The following ADSL variants were observed in gnomAD, a reference collection of about 807,000 sequenced individuals.
ADSL encodes the protein adenylosuccinase.
Under a neutral mutation model 62.1 loss-of-function variants are expected in ADSL, and 44 were observed. That is an observed-to-expected ratio of 0.71 (90% CI 0.56 to 0.91). ADSL has a LOEUF of 0.91. Among genes scored for constraint, ADSL ranks in the 40% least tolerant of loss-of-function variants. The pLI is 0.00. For missense variants in ADSL, 531 were observed against 627.4 expected (o/e 0.85, Z 1.64); for synonymous variants, 198 against 220.5 (o/e 0.90, Z 0.90).
intron 3 of ADSL, chr22:40,354,005 C>T (rs781644947): frequency 3.3e-5 from 19 of 570,542 alleles, no homozygotes; most frequent in Non-Finnish European, 6.0e-5. Context: ...TGATTTTGTT[C>T]TGTTTTTCTG....
intron 6 of ADSL, 82 bp downstream of exon 6, chr22:40,359,388 A>T: frequency 6.8e-7 from 1 of 1,465,890 alleles, no homozygotes; most frequent in South Asian, 1.1e-5. Flanking sequence ...TTGACCTTAC[A>T]ATTTTTGCCT....
chr22:40,346,658 T>C lies in ADSL; in HGVS notation c.100T>C (p.Tyr34His), dbSNP rs1434292876. 4 of 1,613,030 alleles carry C rather than the reference T, an allele frequency of 2.5e-6. No homozygotes were observed. Among genetic ancestry groups the C allele is most frequent in the Non-Finnish European group, 1.7e-6 (2 of 1,179,660 alleles). ...GATGTGCTTCGTGTTTAGCGACAGGTATAAATTCCGGACATGGCGGCAGCT... is the reference window on the plus strand; with the variant it reads ...GATGTGCTTCGTGTTTAGCGACAGGCATAAATTCCGGACATGGCGGCAGCT... The part of the protein sequence containing the change: ...PEMCFVFSDR[Y>H]KFRTWRQLWL... Residue 34 changes from tyrosine (Y) to histidine (H), a missense_variant, in exon 1 of 13, where the codon TAT becomes CAT. Physicochemically the swap from Tyr to His is moderately conservative, Grantham distance 83 (BLOSUM62 2). Transcript: ENST00000623063.
intron 2 of ADSL, among the ~76,000 whole-genome samples, chr22:40,351,172 ATTT>A (rs1291583819): frequency 7.0e-6 from 1 of 143,760 alleles, no homozygotes; most frequent in African/African-American, 2.5e-5. Flanking sequence ...TTAAAAAAAA[ATTT>A]TTTTTTTTTT....
At chr22:40,379,677 C>G (rs1395845488) in intron 2 of ADSL, among the ~76,000 whole-genome samples, 12 of 152,102 alleles carry the variant, frequency 7.9e-5, no homozygotes, top group Admixed American at 7.9e-4. Context: ...GTAGTTATCT[C>G]TTTATTTCTT....
intron 2 of ADSL, chr22:40,376,662 C>G (rs2046668721): frequency 6.6e-6 from 1 of 151,988 alleles, no homozygotes; most frequent in African/African-American, 2.4e-5. Context: ...AGTATTATGC[C>G]CATTTACAGG....
intron 1 of ADSL, chr22:40,348,813 G>A (rs1056850910): frequency 2.6e-6 from 1 of 383,844 alleles, no homozygotes; most frequent in Non-Finnish European, 4.6e-6. Flanking sequence ...CAAGTTTCAA[G>A]TGAGGTTTAA....
At chr22:40,359,084 A>G in intron 5 of ADSL, 49 bp downstream of exon 5, 1 of 1,608,040 alleles carries the variant, frequency 6.2e-7, no homozygotes, top group South Asian at 1.1e-5. Context: ...GGTGGAGCCT[A>G]AGAGACAAGG....
chr22:40,382,515 A>G (rs1398991634), intron 2 of ADSL, among the ~76,000 whole-genome samples: 1 of 152,150 alleles, frequency 6.6e-6, no homozygotes, highest in East Asian at 1.9e-4. Flanking sequence ...TACCTACCTC[A>G]CAGCATGGCA....
At chr22:40,385,342 A>G (rs2146838914) in intron 2 of ADSL, among the ~76,000 whole-genome samples, 1 of 152,344 alleles carries the variant, frequency 6.6e-6, no homozygotes, top group Non-Finnish European at 1.5e-5. Flanking sequence ...TTGAGTGGGT[A>G]CAGGGATAGT....
intron 2 of ADSL, chr22:40,376,531 AATTAGTGCT>A (rs2046633948): frequency 6.6e-6 from 1 of 152,158 alleles, no homozygotes; most frequent in South Asian, 2.1e-4. Context: ...AAAATGGAAT[AATTAGTGCT>A]ACTCATAGTA....
downstream of ADSL, among the ~76,000 whole-genome samples, chr22:40,372,120 C>A (rs866595625): frequency 4.3e-4 from 52 of 120,232 alleles, no homozygotes; most frequent in South Asian, 1.5e-3. Context: ...TGTCCCCCCC[C>A]CCTTTTTTTT....
intron 2 of ADSL, among the ~76,000 whole-genome samples, chr22:40,384,127 C>G (rs1466867314): frequency 6.6e-6 from 1 of 152,100 alleles, no homozygotes; most frequent in Non-Finnish European, 1.5e-5. Flanking sequence ...GCCCGTAGTC[C>G]TAGCTACTCA....
In ADSL at chr22:40,349,926, G is replaced by A. The variant is rs765503061; in HGVS notation, c.248G>A (p.Arg83His). Reference sequence around the variant, plus strand: ...AAGATGGCAGCTGAGGAAGAGAAACGTTTACGACATGATGTGATGGCTCAC... The same window carrying A: ...AAGATGGCAGCTGAGGAAGAGAAACATTTACGACATGATGTGATGGCTCAC... The part of the protein sequence containing the change: ...DFKMAAEEEK[R>H]LRHDVMAHVH... Residue 83 changes from arginine (R) to histidine (H), a missense_variant, in exon 2 of 13, where the codon CGT becomes CAT. Arg to His is a conservative substitution (Grantham distance 29). Around this residue, in one of 2 missense-constraint regions of ADSL, gnomAD observed 471 missense variants for 592.9 expected, o/e 0.79. Transcript: ENST00000623063. 6.8e-6 allele frequency: 11 copies of A among 1,614,022 alleles called. No homozygotes were observed. Among genetic ancestry groups the A allele is most frequent in the East Asian group, 2.2e-5 (1 of 44,900 alleles).
intron 3 of ADSL, chr22:40,353,329 C>G: frequency 1.4e-6 from 1 of 703,944 alleles, no homozygotes; most frequent in South Asian, 1.5e-5. Context: ...TCTTCTTGAG[C>G]CAGAGTCTCA....
intron 2 of ADSL, among the ~76,000 whole-genome samples, chr22:40,351,217 C>T (rs1368099094): frequency 6.6e-6 from 1 of 151,624 alleles, no homozygotes; most frequent in Non-Finnish European, 1.5e-5. Context: ...GTTGCCCAGG[C>T]TGGAGTGCAA....
downstream of ADSL, among the ~76,000 whole-genome samples, chr22:40,370,939 C>A (rs1415836261): frequency 6.6e-6 from 1 of 152,230 alleles, no homozygotes; most frequent in South Asian, 2.1e-4. Flanking sequence ...CGCCCCTAGA[C>A]GGCCGAGGCC....
chr22:40,357,986 C>A (rs191785803), intron 4 of ADSL, among the ~76,000 whole-genome samples: 123 of 152,162 alleles, frequency 8.1e-4, no homozygotes, highest in African/African-American at 2.8e-3. Flanking sequence ...CTCTGTTGGC[C>A]ACGCTGGTCT....
chr22:40,364,398 A>G (rs2044919604), intron 11 of ADSL, 33 bp downstream of exon 11: 3 of 1,584,896 alleles, frequency 1.9e-6, no homozygotes, highest in Non-Finnish European at 2.6e-6. Context: ...GGATAAGTTG[A>G]GAGTGCACGT....
At chr22:40,359,818 A>T (rs1294309843) in intron 6 of ADSL, among the ~76,000 whole-genome samples, 1 of 152,224 alleles carries the variant, frequency 6.6e-6, no homozygotes, top group African/African-American at 2.4e-5. Context: ...GGCATGAGCC[A>T]CCATGCCTGA....
Sources: allele counts gnomAD v4.1 joint callset (sites outside exome capture counted in the v4.1 genomes callset), GRCh38; gene constraint gnomAD v4.1.1; regional missense constraint gnomAD v4.1.1; transcripts MANE v1.5; gene names NCBI Gene and HGNC (gene_info 2026-07-23, HGNC 2026-07-21).